INSIG2: variants seen among roughly 807,000 people sequenced by gnomAD.
The protein encoded by INSIG2 is insulin induced gene 2, also known as insulin-induced gene 2 protein.
INSIG2 carries 10 observed loss-of-function variants against 27.2 expected under a neutral mutation model. The observed-to-expected ratio is 0.37, with a 90% CI of 0.23 to 0.62. INSIG2 has a LOEUF of 0.62. INSIG2 is among the 20% of genes least tolerant of loss of function. The pLI is 0.65. For synonymous variants in INSIG2, 97 were observed against 95.8 expected (o/e 1.01, Z -0.07); for missense variants, 178 against 270.2 (o/e 0.66, Z 2.39).
At chr2:118,098,008 C>G (rs1043606843) in intron 2 of INSIG2, among the ~76,000 whole-genome samples, 1 of 152,142 alleles carries the variant, frequency 6.6e-6, no homozygotes, top group African/African-American at 2.4e-5. Context: ...AAAGTGAAGT[C>G]ATGAAGGCAG....
intron 1 of INSIG2, among the ~76,000 whole-genome samples, chr2:118,096,106 T>G (rs1678397975): frequency 6.6e-6 from 1 of 152,192 alleles, no homozygotes; most frequent in South Asian, 2.1e-4. Context: ...AAGTGTCAGA[T>G]TACCTGTTCT....
At chr2:118,096,328 G>T in intron 1 of INSIG2, 91 bp from the exon 2 acceptor site, 1 of 403,296 alleles carries the variant, frequency 2.5e-6, no homozygotes. Flanking sequence ...TTTCTTATTT[G>T]TCCATTTAAA....
Position 118,103,210 on chromosome 2 carries a change from A to G in INSIG2, c.258A>G (p.Leu86=), listed in dbSNP as rs921615435. 6.2e-7 allele frequency: 1 copy of G among 1,613,068 alleles called. No individual in the cohort carries two copies. Among genetic ancestry groups the G allele is most frequent in the African/African-American group, 1.3e-5 (1 of 74,702 alleles). The part of the protein sequence containing the change: ...CCGTASAVIG[L]LYPCIDRHLG... ...TTTTCCCTACAGCTGTGATTGGGTT[A>G]TTATACCCCTGCATTGACAGACATC... Residue 86 remains leucine (L), a synonymous_variant, in exon 3 of 6, where the codon TTA becomes TTG. Transcript: ENST00000245787.
chr2:118,102,200 A>ACATAAT (rs2104534514), intron 2 of INSIG2, among the ~76,000 whole-genome samples: 1 of 152,346 alleles, frequency 6.6e-6, no homozygotes, highest in South Asian at 2.1e-4. Flanking sequence ...GAATGGCACA[A>ACATAAT]CATAATCATC....
chr2:118,106,685 A>G (rs1343119620), intron 3 of INSIG2, 52 bp from the exon 4 acceptor site: 14 of 1,459,730 alleles, frequency 9.6e-6, no homozygotes, highest in East Asian at 2.3e-5. Context: ...AAATGAACAG[A>G]TGATATTATT....
chr2:118,098,101 A>G (rs1443466814), intron 2 of INSIG2, among the ~76,000 whole-genome samples: 2 of 152,094 alleles, frequency 1.3e-5, no homozygotes, highest in East Asian at 3.9e-4. Flanking sequence ...AAATTGTATC[A>G]CTCTGCTGTA....
rs766653153 is a variant in INSIG2, at chr2:118,106,755, A to G, written c.388A>G (p.Asn130Asp). ...HASAKVDFDN[N>D]IQLSLTLAAL... ...ATCTCAGAAAGTGGATTTCGATAAC[A>G]ACATACAGTTGTCTCTCACACTGGC... Residue 130 changes from asparagine (N) to aspartate (D), a missense_variant, in exon 4 of 6, where the codon AAC becomes GAC. Asn to Asp is a conservative substitution (Grantham distance 23). Coordinates refer to ENST00000245787, the MANE Select transcript of INSIG2 (RefSeq NM_016133.4). 15 of 1,613,858 alleles carry G rather than the reference A, an allele frequency of 9.3e-6. No homozygotes were observed. In the Admixed American group the frequency reaches 1.5e-4, roughly 16 times the overall value.
At chr2:118,089,971 G>A (rs1678186630) in intron 1 of INSIG2, among the ~76,000 whole-genome samples, 1 of 152,214 alleles carries the variant, frequency 6.6e-6, no homozygotes, top group African/African-American at 2.4e-5. Context: ...AGAGGAAAGA[G>A]TTGCAGTGTT....
chr2:118,106,933 T>C (rs373641516), intron 4 of INSIG2, 30 bp downstream of exon 4: 3 of 1,608,086 alleles, frequency 1.9e-6, no homozygotes, highest in Non-Finnish European at 2.6e-6. Flanking sequence ...TTTTTGGTGC[T>C]TGTTTGCTAG....
At chr2:118,091,025 T>C (rs927196613) in intron 1 of INSIG2, among the ~76,000 whole-genome samples, 14 of 152,254 alleles carry the variant, frequency 9.2e-5, no homozygotes, top group African/African-American at 3.4e-4. Context: ...TGTCAAGTAA[T>C]CTAAATTTTT....
Position 118,106,894 on chromosome 2 carries a change from G to A in INSIG2, c.527G>A (p.Gly176Asp), listed in dbSNP as rs766415130. 4 of 1,613,964 alleles carry A rather than the reference G, an allele frequency of 2.5e-6. No individual in the cohort carries two copies. The highest frequency in any genetic ancestry group is 2.2e-5 in the East Asian group (1 of 44,868). ...GTCACTCAACTGCTAGTATATAATG[G>A]TGTTTACCAGTAAGTATTAATCCTT... Reference protein sequence around the residue: ...TVVTQLLVYNGVYQYTSPDFL... With the variant: ...TVVTQLLVYNDVYQYTSPDFL... The change falls in exon 4 of 6, where the codon GGT becomes GAT. Residue 176 changes from glycine to aspartate, a missense_variant. Coordinates refer to ENST00000245787, the MANE Select transcript of INSIG2 (RefSeq NM_016133.4).
chr2:118,094,916 T>G (rs1678371795), intron 1 of INSIG2, among the ~76,000 whole-genome samples: 1 of 152,252 alleles, frequency 6.6e-6, no homozygotes, highest in Admixed American at 6.5e-5. Context: ...GGAGCTAGGT[T>G]TGCTCTCAAA....
chr2:118,088,648 C>T (rs1328650785), intron 1 of INSIG2, 107 bp downstream of exon 1: 1 of 153,316 alleles, frequency 6.5e-6, no homozygotes, highest in Non-Finnish European at 1.4e-5. Context: ...TTTTTGCAGC[C>T]TGGGAACCCT....
chr2:118,099,867 A>C (rs1245423119), intron 2 of INSIG2, among the ~76,000 whole-genome samples: 2 of 151,912 alleles, frequency 1.3e-5, no homozygotes, highest in African/African-American at 4.8e-5. Context: ...TGGAGTCTTT[A>C]GTCTTTGCCG....
At chr2:118,099,699 A>G (rs1455228112) in intron 2 of INSIG2, among the ~76,000 whole-genome samples, 1 of 152,226 alleles carries the variant, frequency 6.6e-6, no homozygotes, top group Non-Finnish European at 1.5e-5. Flanking sequence ...TAATGTAAAA[A>G]GAAAAGAAAA....
intron 2 of INSIG2, among the ~76,000 whole-genome samples, chr2:118,098,763 C>G (rs1477097094): frequency 6.6e-6 from 1 of 152,218 alleles, no homozygotes; most frequent in Non-Finnish European, 1.5e-5. Flanking sequence ...GCTAATACCA[C>G]AGTTCAGCCA....
intron 4 of INSIG2, 81 bp downstream of exon 4, chr2:118,106,984 A>T (rs1678688505): frequency 6.5e-7 from 1 of 1,544,632 alleles, no homozygotes; most frequent in Admixed American, 1.7e-5. Flanking sequence ...AGATTATGAA[A>T]TGAGGTTAGC....
intron 1 of INSIG2, among the ~76,000 whole-genome samples, chr2:118,094,645 A>T (rs1331964743): frequency 6.6e-6 from 1 of 152,182 alleles, no homozygotes; most frequent in East Asian, 1.9e-4. Flanking sequence ...TTGGGAACAG[A>T]ATTTCCTCTT....
intron 2 of INSIG2, among the ~76,000 whole-genome samples, chr2:118,100,016 A>G (rs1678501469): frequency 6.6e-6 from 1 of 152,132 alleles, no homozygotes; most frequent in Non-Finnish European, 1.5e-5. Context: ...AGTCTTTATA[A>G]TATGGCCCTT....
Sources: gnomAD v4.1 joint callset for allele counts (sites outside exome capture counted in the v4.1 genomes callset) on GRCh38, gnomAD v4.1.1 for gene constraint, MANE v1.5 for transcripts, NCBI Gene and HGNC (gene_info 2026-07-23, HGNC 2026-07-21) for gene names.